CCM2: variants seen among roughly 807,000 people sequenced by gnomAD.
CCM2 encodes cerebral cavernous malformations 2 protein.
In CCM2, 25 loss-of-function variants were observed where a neutral mutation model predicts 44.9. The observed-to-expected ratio is 0.56, with a 90% CI of 0.41 to 0.78. CCM2 has a LOEUF of 0.78. CCM2 is among the 30% of genes least tolerant of loss of function. CCM2 has a pLI of 0.00. For synonymous variants in CCM2, 219 were observed against 241.1 expected (o/e 0.91, Z 0.85); for missense variants, 481 against 580.6 (o/e 0.83, Z 1.76).
At chr7:45,049,014 GAC>G (rs1797880521) in intron 2 of CCM2, among the ~76,000 whole-genome samples, 1 of 152,178 alleles carries the variant, frequency 6.6e-6, no homozygotes, top group Non-Finnish European at 1.5e-5. Context: ...GGAATGTAGT[GAC>G]ACAGTCATGA....
In CCM2 at chr7:45,038,345, T is replaced by C. The variant is rs1212867410; in HGVS notation, c.123T>C (p.Pro41=). The change falls in exon 2 of 10, where the codon CCT becomes CCC. Residue 41 remains proline (P), a synonymous_variant. Transcript: ENST00000258781. ...ATGAGAAGGTGACAGAGAGGCGCCC[T>C]CTGCACACTGTGGTGTTGTCATTGC... The part of the protein sequence containing the change: ...KAHEKVTERR[P]LHTVVLSLPE... 5.0e-6 allele frequency: 8 copies of C among 1,614,040 alleles called. No homozygotes were observed. Among genetic ancestry groups the C allele is most frequent in the Non-Finnish European group, 6.8e-6 (8 of 1,180,032 alleles).
chr7:45,056,725 T>A (rs1018531335), intron 2 of CCM2, among the ~76,000 whole-genome samples: 4 of 152,236 alleles, frequency 2.6e-5, no homozygotes, highest in African/African-American at 9.6e-5. Context: ...TAGATATTAA[T>A]CCCTTATCAG....
intron 1 of CCM2, among the ~76,000 whole-genome samples, chr7:45,007,061 G>T (rs1036515353): frequency 6.6e-6 from 1 of 152,178 alleles, no homozygotes; most frequent in Non-Finnish European, 1.5e-5. Flanking sequence ...TCATCTGCTG[G>T]CTGCCTTAGG....
At chr7:45,067,423 A>G (rs1798836294) in intron 4 of CCM2, among the ~76,000 whole-genome samples, 1 of 152,150 alleles carries the variant, frequency 6.6e-6, no homozygotes, top group Admixed American at 6.5e-5. Flanking sequence ...TTGGCCTCCC[A>G]ATGTGCTGGG....
intron 2 of CCM2, among the ~76,000 whole-genome samples, chr7:45,047,633 T>C (rs1797820929): frequency 6.6e-6 from 1 of 152,248 alleles, no homozygotes; most frequent in Non-Finnish European, 1.5e-5. Flanking sequence ...TCACACTGTA[T>C]GTTCCTTTCT....
At position 45,076,061 on chromosome 7, in the gene CCM2, A is replaced by G. The variant is rs1784238214; in HGVS notation, c.*4A>G. 5 of 1,612,936 alleles carry G rather than the reference A, an allele frequency of 3.1e-6. No individual in the cohort carries two copies. Among genetic ancestry groups the G allele is most frequent in the Admixed American group, 1.7e-5 (1 of 60,010 alleles). Reference sequence around the variant, plus strand: ...CATGGACCAGGACTCAGCATGATGGACAGTGGATGGGGGGGCACCCACACC... The same window carrying G: ...CATGGACCAGGACTCAGCATGATGGGCAGTGGATGGGGGGGCACCCACACC... On this transcript the variant is annotated 3_prime_UTR_variant, in exon 10 of 10. Transcript: ENST00000258781.
chr7:45,021,061 T>C (rs1338682482), intron 1 of CCM2, among the ~76,000 whole-genome samples: 1 of 151,952 alleles, frequency 6.6e-6, no homozygotes, highest in African/African-American at 2.4e-5. Flanking sequence ...GAATATCGAG[T>C]GCTGTGTCAG....
chr7:45,022,637 CTTTTT>C (rs1796527469), intron 1 of CCM2, among the ~76,000 whole-genome samples: 1 of 151,728 alleles, frequency 6.6e-6, no homozygotes, highest in African/African-American at 2.4e-5. Flanking sequence ...AATTGCTTTT[CTTTTT>C]TCTTTCAAAA....
intron 1 of CCM2, among the ~76,000 whole-genome samples, chr7:45,007,241 G>A (rs1385872612): frequency 6.6e-6 from 1 of 152,154 alleles, no homozygotes; most frequent in Non-Finnish European, 1.5e-5. Context: ...GCACAGTCAG[G>A]GATGTCATTC....
In CCM2 at chr7:45,068,255, G is replaced by A. The variant is rs533426780; in HGVS notation, c.473-188G>A. On this transcript the variant is annotated intron_variant, in intron 4 of 9. Transcript: ENST00000258781. ...GGTGCCCTTGGAGCTCAGGGGTCGCGTGTTCCCACCCTTATTTAGAGAAGC... is the reference window on the plus strand; with the variant it reads ...GGTGCCCTTGGAGCTCAGGGGTCGCATGTTCCCACCCTTATTTAGAGAAGC... 4.9e-4 allele frequency: 342 copies of A among 691,700 alleles called. 3 individuals carry two copies. The South Asian group carries it at 5.5e-3, about 11-fold the overall frequency. 42.8% of individuals were successfully genotyped at this position (691,700 alleles called of 1,614,324 possible).
intron 2 of CCM2, among the ~76,000 whole-genome samples, chr7:45,059,770 AT>A (rs1352614991): frequency 6.6e-6 from 1 of 152,134 alleles, no homozygotes; most frequent in African/African-American, 2.4e-5. Flanking sequence ...ATATATATTT[AT>A]TTTAGTGGTT....
intron 2 of CCM2, among the ~76,000 whole-genome samples, chr7:45,049,941 A>G (rs540185483): frequency 6.6e-6 from 1 of 152,392 alleles, no homozygotes; most frequent in Admixed American, 6.5e-5. Context: ...TAACATTTAC[A>G]TTGTATTAGG....
At chr7:45,059,696 C>A (rs1316522232) in intron 2 of CCM2, among the ~76,000 whole-genome samples, 1 of 152,026 alleles carries the variant, frequency 6.6e-6, no homozygotes, top group African/African-American at 2.4e-5. Flanking sequence ...TGTGATTGTG[C>A]CACTGCACTC....
intron 1 of CCM2, among the ~76,000 whole-genome samples, chr7:45,029,741 G>C (rs1796869390): frequency 6.6e-6 from 1 of 152,246 alleles, no homozygotes; most frequent in African/African-American, 2.4e-5. Flanking sequence ...AAGACCCGCA[G>C]TTGGCATCTG....
chr7:45,005,144 G>A (rs1795795550), intron 1 of CCM2, among the ~76,000 whole-genome samples: 1 of 152,146 alleles, frequency 6.6e-6, no homozygotes, highest in South Asian at 2.1e-4. Flanking sequence ...TTCTTGGATG[G>A]CAACTTGGTA....
intron 2 of CCM2, among the ~76,000 whole-genome samples, chr7:45,052,068 C>G (rs1460964258): frequency 6.6e-6 from 1 of 152,152 alleles, no homozygotes; most frequent in Non-Finnish European, 1.5e-5. Flanking sequence ...GTCCCTTGAT[C>G]CAAGGTGATG....
chr7:45,045,026 C>T (rs1434139184), intron 2 of CCM2, among the ~76,000 whole-genome samples: 2 of 152,152 alleles, frequency 1.3e-5, no homozygotes, highest in African/African-American at 4.8e-5. Flanking sequence ...TATTTGTGGC[C>T]TGTCTTTGTG....
chr7:45,022,508 G>A (rs908085338), intron 1 of CCM2, among the ~76,000 whole-genome samples: 4 of 150,696 alleles, frequency 2.7e-5, no homozygotes, highest in African/African-American at 9.8e-5. Context: ...GGGTTTCACC[G>A]TGTTAGCCAG....
In CCM2 at chr7:45,072,683, A is replaced by G. The variant is rs191849560; in HGVS notation, c.746-43A>G. ...GCTGGACTCAAAATGCCTCCCCACT[A>G]TGTCCCTGAAAGTCATCTTAGTTTT... On this transcript the variant is annotated intron_variant, in intron 6 of 9. Coordinates refer to ENST00000258781, the MANE Select transcript of CCM2 (RefSeq NM_031443.4). The G allele has an allele frequency of 3.1e-4, 461 of 1,511,184 alleles. 3 individuals carry two copies. The highest frequency in any genetic ancestry group is 1.8e-3 in the Middle Eastern group (10 of 5,416). The allele number at this position is 1,511,184 out of a possible 1,614,324, so 93.6% of individuals were successfully genotyped here.
Sources: gnomAD v4.1 joint callset for allele counts (sites outside exome capture counted in the v4.1 genomes callset) on GRCh38, gnomAD v4.1.1 for gene constraint, MANE v1.5 for transcripts, NCBI Gene and HGNC (gene_info 2026-07-23, HGNC 2026-07-21) for gene names.